The following AGMO variants were observed in gnomAD, a reference collection of about 807,000 sequenced individuals.
AGMO encodes the protein alkylglycerol monooxygenase, also known as glyceryl-ether monooxygenase.
A neutral mutation model predicts 60.2 loss-of-function variants in AGMO; 75 were observed. The observed-to-expected ratio is 1.25, with a 90% CI of 1.03 to 1.51. AGMO has a LOEUF of 1.51. AGMO is among the 40% of genes most tolerant of loss of function. The probability of loss-of-function intolerance (pLI) is 0.00; values close to 1 mark genes in which losing one functional copy is unlikely to be tolerated. For missense variants in AGMO, 763 were observed against 525.5 expected, an observed-to-expected ratio of 1.45 and a Z score of -4.42; for synonymous variants, 261 against 177.1, an observed-to-expected ratio of 1.47 and a Z score of -3.76.
the AGMO span, among the ~76,000 whole-genome samples, chr7:15,149,471 C>T: frequency 1.3e-5 from 2 of 152,148 alleles, no homozygotes; most frequent in Non-Finnish European, 2.9e-5. Context: ...AGCTTTTAAT[C>T]TATCATGAGT....
In AGMO at chr7:15,531,535, C is replaced by T. The variant is rs10229254; in HGVS notation, c.409+13237G>A. On this transcript the variant is annotated intron_variant, in intron 3 of 12. Transcript: ENST00000342526. ...TCTCTATATATATTCTATATATATT[C>T]TCTATATATATTCTATATATATATT... Among the ~76,000 whole-genome samples, 41 of 15,756 alleles carry T rather than the reference C, an allele frequency of 2.6e-3. 3 individuals carry two copies. Among genetic ancestry groups the T allele is most frequent in the African/African-American group, 3.2e-3 (10 of 3,122 alleles). The allele number at this position is 15,756 out of a possible 152,430, so 10.3% of individuals were successfully genotyped here. A position where few individuals can be genotyped will look rare whatever the true frequency, so the allele number is the denominator to read the frequency against.
chr7:15,535,633 C>A (rs1357872650), intron 3 of AGMO, among the ~76,000 whole-genome samples: 1 of 151,564 alleles, frequency 6.6e-6, no homozygotes, highest in Non-Finnish European at 1.5e-5. Flanking sequence ...CAAAGGGTAA[C>A]AACTTTAAAA....
intron 3 of AGMO, among the ~76,000 whole-genome samples, chr7:15,435,266 A>C (rs563031389): frequency 6.7e-6 from 1 of 149,746 alleles, no homozygotes; most frequent in East Asian, 1.9e-4. Flanking sequence ...ATATGCCTAC[A>C]TTTACCTTGT....
chr7:15,197,121 T>G (rs866188736), downstream of AGMO, among the ~76,000 whole-genome samples: 2 of 152,032 alleles, frequency 1.3e-5, no homozygotes, highest in Non-Finnish European at 2.9e-5. Flanking sequence ...TTGCTGAAAA[T>G]TATAACATAA....
chr7:15,499,194 G>C (rs1783313835), intron 3 of AGMO, among the ~76,000 whole-genome samples: 1 of 151,768 alleles, frequency 6.6e-6, no homozygotes, highest in Admixed American at 6.6e-5. Context: ...GTAAGCTTAA[G>C]AGCAATGTGC....
At chr7:15,318,306 C>A (rs1033608674) in intron 12 of AGMO, among the ~76,000 whole-genome samples, 12 of 152,072 alleles carry the variant, frequency 7.9e-5, no homozygotes, top group South Asian at 4.2e-4. Context: ...GCCCGTCCTA[C>A]ATGTTTAAAA....
At chr7:15,155,576 TTC>T in the AGMO span, among the ~76,000 whole-genome samples, 1 of 152,040 alleles carries the variant, frequency 6.6e-6, no homozygotes, top group African/African-American at 2.4e-5. Flanking sequence ...GGTTTCAACC[TTC>T]TTTTATATCT....
At chr7:15,438,857 T>C (rs1267251316) in intron 3 of AGMO, among the ~76,000 whole-genome samples, 1 of 152,222 alleles carries the variant, frequency 6.6e-6, no homozygotes, top group African/African-American at 2.4e-5. Flanking sequence ...CTACAATACA[T>C]CCTCACTATT....
the AGMO span, among the ~76,000 whole-genome samples, chr7:15,134,722 C>T: frequency 0.8 from 120,903 of 152,028 alleles, 49,447 homozygotes; most frequent in East Asian, 0.99. Context: ...TTTACGTTGA[C>T]TCCACGCCTT....
chr7:15,494,501 G>A (rs758390320), intron 3 of AGMO, among the ~76,000 whole-genome samples: 5 of 152,044 alleles, frequency 3.3e-5, no homozygotes, highest in Non-Finnish European at 4.4e-5. Flanking sequence ...ACTATGTGTC[G>A]GCTAAAATAG....
At chr7:15,198,221 G>GACAGAGAGAGAC (rs1781173197), downstream of AGMO, among the ~76,000 whole-genome samples, 11 of 114,386 alleles carry the variant, frequency 9.6e-5, 1 homozygote, top group South Asian at 3.5e-3. Flanking sequence ...GAGAGAGAGA[G>GACAGAGAGAGAC]AGAGAGAGAG....
At chr7:15,344,891 T>C (rs550455710) in intron 12 of AGMO, among the ~76,000 whole-genome samples, 11 of 152,312 alleles carry the variant, frequency 7.2e-5, no homozygotes, top group African/African-American at 2.4e-4. Context: ...ATCACATCAG[T>C]TAGATTTATC....
At chr7:15,341,013 G>T (rs951986865) in intron 12 of AGMO, among the ~76,000 whole-genome samples, 1 of 152,130 alleles carries the variant, frequency 6.6e-6, no homozygotes, top group Non-Finnish European at 1.5e-5. Flanking sequence ...GGGTGGAGCT[G>T]CCCAAGACCA....
At chr7:15,299,815 A>T (rs1179726357) in intron 12 of AGMO, among the ~76,000 whole-genome samples, 1 of 137,976 alleles carries the variant, frequency 7.2e-6, no homozygotes, top group Non-Finnish European at 1.6e-5. Flanking sequence ...GAGACAGAGC[A>T]AGACTCTGTC....
chr7:15,361,218 A>C (rs551457829), intron 12 of AGMO, among the ~76,000 whole-genome samples: 17 of 151,896 alleles, frequency 1.1e-4, no homozygotes, highest in Middle Eastern at 3.4e-3. Flanking sequence ...ATGCAGCCAT[A>C]TCTCTCAAAT....
chr7:15,147,521 C>T, the AGMO span, among the ~76,000 whole-genome samples: 1 of 152,074 alleles, frequency 6.6e-6, no homozygotes, highest in African/African-American at 2.4e-5. Context: ...CAGTTACCTC[C>T]CACCCCATGA....
At chr7:15,475,555 G>C (rs1315065279) in intron 3 of AGMO, among the ~76,000 whole-genome samples, 3 of 152,022 alleles carry the variant, frequency 2.0e-5, no homozygotes, top group Non-Finnish European at 4.4e-5. Context: ...TGGGGGGCTA[G>C]AGGGATAGCA....
chr7:15,352,524 G>A (rs899041262), intron 12 of AGMO, among the ~76,000 whole-genome samples: 1 of 151,698 alleles, frequency 6.6e-6, no homozygotes, highest in African/African-American at 2.4e-5. Context: ...TGGGCGTTTG[G>A]GTGTTCAGGG....
At chr7:15,305,463 A>G (rs1780586053) in intron 12 of AGMO, among the ~76,000 whole-genome samples, 2 of 152,014 alleles carry the variant, frequency 1.3e-5, no homozygotes, top group African/African-American at 4.8e-5. Flanking sequence ...AACATGTTGC[A>G]TCAATTTCTT....
Sources: allele counts gnomAD v4.1 joint callset (sites outside exome capture counted in the v4.1 genomes callset), GRCh38; gene constraint gnomAD v4.1.1; transcripts MANE v1.5; gene names NCBI Gene and HGNC (gene_info 2026-07-23, HGNC 2026-07-21).